Variants in C9orf78 observed in about 807,000 individuals in gnomAD.
C9orf78 encodes splicing factor C9orf78.
Under a neutral mutation model 37.4 loss-of-function variants are expected in C9orf78, and 19 were observed. The ratio of observed to expected loss-of-function variants is 0.51; its 90% CI spans 0.35 to 0.74. C9orf78 has a LOEUF of 0.74. C9orf78 is among the 30% of genes least tolerant of loss of function. The pLI, the probability that C9orf78 is intolerant of heterozygous loss-of-function variation, is 0.01. For missense variants in C9orf78, 291 were observed against 370.8 expected (o/e 0.78, Z 1.77); for synonymous variants, 130 against 128.0 (o/e 1.02, Z -0.10).
chr9:129,834,845 C>A lies in C9orf78; in HGVS notation c.84-79G>T, dbSNP rs1346046938. 2.6e-6 allele frequency: 3 copies of A among 1,154,904 alleles called. No homozygotes were observed. The East Asian group carries it at 7.0e-5, about 27-fold the overall frequency. The allele number at this position is 1,154,904 out of a possible 1,614,324, so 71.5% of individuals were successfully genotyped here. A position where few individuals can be genotyped will look rare whatever the true frequency, so the allele number is the denominator to read the frequency against. ...TCCAAAGCTAACAGAGCCAATAAGG[C>A]ACCTTCGAGGGCATCCCAGCCCAGC... On this transcript the variant is annotated intron_variant, in intron 1 of 8. Coordinates refer to ENST00000372447, the MANE Select transcript of C9orf78 (RefSeq NM_016520.3).
chr9:129,831,178 G>T lies in C9orf78; in HGVS notation c.345-110C>A, dbSNP rs1420353811. ...CCGCAGACCAGTGACAGTCCATGGA[G>T]AAACGAGAAAAAAAATAACTTGAGT... On this transcript the variant is annotated intron_variant, in intron 5 of 8. Coordinates refer to ENST00000372447, the MANE Select transcript of C9orf78 (RefSeq NM_016520.3). 5 of 718,660 alleles carry T rather than the reference G, an allele frequency of 7.0e-6. No homozygotes were observed. In the African/African-American group the frequency reaches 8.9e-5, roughly 13 times the overall value. The allele number at this position is 718,660 out of a possible 1,614,324, so 44.5% of individuals were successfully genotyped here. A position where few individuals can be genotyped will look rare whatever the true frequency, so the allele number is the denominator to read the frequency against.
chr9:129,833,017 A>T (rs186220253), intron 4 of C9orf78, among the ~76,000 whole-genome samples: 7 of 148,416 alleles, frequency 4.7e-5, no homozygotes, highest in African/African-American at 1.7e-4. Flanking sequence ...GTGTGTGTGT[A>T]TATGTGTATA....
At chr9:129,834,460 G>A in intron 2 of C9orf78, 1 of 467,934 alleles carries the variant, frequency 2.1e-6, no homozygotes, top group Non-Finnish European at 3.8e-6. Flanking sequence ...CAATTAATTG[G>A]TTTTAATAAA....
chr9:129,835,054 A>G, intron 1 of C9orf78, 85 bp downstream of exon 1: 2 of 1,099,298 alleles, frequency 1.8e-6, no homozygotes, highest in Non-Finnish European at 2.8e-6. Context: ...ACAGTTAACA[A>G]TGTCAGCGAA....
chr9:129,831,942 TC>T lies in C9orf78; in HGVS notation c.297del (p.Thr100HisfsTer16). 3.1e-6 allele frequency: 5 copies of T among 1,589,014 alleles called. No individual in the cohort carries two copies. Among genetic ancestry groups the T allele is most frequent in the Non-Finnish European group, 4.3e-6 (5 of 1,157,324 alleles). On this transcript the variant is annotated frameshift_variant, in exon 5 of 9. Coordinates refer to ENST00000372447, the MANE Select transcript of C9orf78 (RefSeq NM_016520.3). LOFTEE classifies it high-confidence loss of function. ...KISEEEDLHL[G>X]TSFSAETNRR... is the part of the protein sequence containing the mutation. ...CGGTTGGTTTCTGCAGAAAACGATG[TC>T]CCCAGGTGCAGGTCCTCCTCCTCAC... is the stretch of plus-strand genomic sequence containing the variant.
chr9:129,835,107 C>T (rs1281170618), intron 1 of C9orf78, 32 bp downstream of exon 1: 3 of 1,543,424 alleles, frequency 1.9e-6, no homozygotes, highest in South Asian at 2.2e-5. Flanking sequence ...TCTATCTTTA[C>T]CAAGCCTATG....
At chr9:129,834,847 C>T (rs993005741) in intron 1 of C9orf78, 81 bp from the exon 2 acceptor site, 1 of 1,094,278 alleles carries the variant, frequency 9.1e-7, no homozygotes, top group African/African-American at 1.5e-5. Flanking sequence ...CAATAAGGCA[C>T]CTTCGAGGGC....
chr9:129,834,836 C>A, intron 1 of C9orf78, 70 bp from the exon 2 acceptor site: 7 of 1,236,112 alleles, frequency 5.7e-6, no homozygotes, highest in South Asian at 1.2e-5. Flanking sequence ...GCTAACAGAG[C>A]CAATAAGGCA....
In C9orf78 at chr9:129,833,668, G is replaced by T; in HGVS notation, c.185C>A (p.Thr62Asn). The T allele has an allele frequency of 1.2e-6, 2 of 1,610,544 alleles. No individual in the cohort carries two copies. Among genetic ancestry groups the T allele is most frequent in the Non-Finnish European group, 1.7e-6 (2 of 1,177,252 alleles). ...LLVGEKVQEE[T>N]TLVDDPFQMK... The stretch of plus-strand genomic sequence containing the variant: ...GACCCCATAACTTACCACTAGAGTG[G>T]TCTCCTCTTGTACCTTCTCTCCCAC... The change falls in exon 3 of 9, where the codon ACC becomes AAC. Residue 62 changes from threonine (T) to asparagine (N), a missense_variant. Physicochemically the swap from Thr to Asn is moderately conservative, Grantham distance 65. Around this residue, in one of 3 missense-constraint regions of C9orf78, gnomAD observed 158 missense variants for 174.8 expected, o/e 0.90. Coordinates refer to ENST00000372447, the MANE Select transcript of C9orf78 (RefSeq NM_016520.3).
chr9:129,834,541 C>T lies in C9orf78; in HGVS notation c.143+166G>A, dbSNP rs2031629246. 4 of 627,218 alleles carry T rather than the reference C, an allele frequency of 6.4e-6. No homozygotes were observed. In the Admixed American group the frequency reaches 8.3e-5, roughly 13 times the overall value. 38.9% of individuals were successfully genotyped at this position (627,218 alleles called of 1,614,324 possible). A position where few individuals can be genotyped will look rare whatever the true frequency, so the allele number is the denominator to read the frequency against. On this transcript the variant is annotated intron_variant, in intron 2 of 8. Transcript: ENST00000372447. The stretch of plus-strand genomic sequence containing the variant: ...GAGACGACACAGCTCAGGGCATGTC[C>T]TGGTTAAACATTTGCAAAGAACGCT...
At position 129,835,128 on chromosome 9, in the gene C9orf78, C is replaced by T; in HGVS notation, c.83+11G>A. 6.2e-7 allele frequency: 1 copy of T among 1,604,176 alleles called. No individual in the cohort carries two copies. Among genetic ancestry groups the T allele is most frequent in the Non-Finnish European group, 8.5e-7 (1 of 1,171,512 alleles). On this transcript the variant is annotated intron_variant, in intron 1 of 8. Coordinates refer to ENST00000372447, the MANE Select transcript of C9orf78 (RefSeq NM_016520.3). ...TTTACCAAGCCTATGGGAGCCCCGC[C>T]CCAAACGCACCGAACCTCCTCTGAG...
intron 2 of C9orf78, chr9:129,834,292 G>A (rs530648235): frequency 5.2e-6 from 1 of 191,608 alleles, no homozygotes; most frequent in South Asian, 1.1e-4. Context: ...ATTGGAAAGA[G>A]TATTCAATAT....
intron 2 of C9orf78, 98 bp downstream of exon 2, chr9:129,834,609 G>C (rs2031639623): frequency 2.4e-6 from 2 of 848,610 alleles, no homozygotes; most frequent in Non-Finnish European, 2.0e-6. Context: ...TGTGTCAAGA[G>C]AAAAATCTAC....
At chr9:129,832,966 C>CAT (rs1318303720) in intron 4 of C9orf78, among the ~76,000 whole-genome samples, 7 of 150,694 alleles carry the variant, frequency 4.6e-5, no homozygotes, top group African/African-American at 9.8e-5. Flanking sequence ...TATACACACA[C>CAT]ATATATATAT....
chr9:129,834,336 G>A (rs913302600), intron 2 of C9orf78: 93 of 229,722 alleles, frequency 4.0e-4, no homozygotes, highest in African/African-American at 1.9e-3. Flanking sequence ...GCTCTGCAAG[G>A]AAAAAAAATG....
intron 2 of C9orf78, chr9:129,834,493 T>C (rs1588226779): frequency 3.9e-6 from 2 of 509,982 alleles, no homozygotes; most frequent in East Asian, 6.6e-5. Flanking sequence ...GTGATCTGTT[T>C]CTGTATCTCT....
intron 5 of C9orf78, chr9:129,831,634 G>A: frequency 2.5e-6 from 1 of 393,322 alleles, no homozygotes; most frequent in Non-Finnish European, 4.7e-6. Context: ...ATGTTGGTCA[G>A]TCTGGTCTCG....
intron 5 of C9orf78, chr9:129,831,515 C>G: frequency 4.2e-6 from 1 of 238,990 alleles, no homozygotes; most frequent in Non-Finnish European, 8.3e-6. Context: ...AGCTCTGCCT[C>G]CCAGGTTCAA....
intron 6 of C9orf78, chr9:129,830,538 G>T: frequency 7.7e-6 from 2 of 260,604 alleles, no homozygotes; most frequent in Non-Finnish European, 1.5e-5. Context: ...TTTTTGAGAT[G>T]GAGTCTTGCT....
Sources: gnomAD v4.1 joint callset for allele counts (sites outside exome capture counted in the v4.1 genomes callset) on GRCh38, gnomAD v4.1.1 for gene constraint, gnomAD v4.1.1 regional missense constraint, MANE v1.5 for transcripts, NCBI Gene and HGNC (gene_info 2026-07-23, HGNC 2026-07-21) for gene names.